Variants in ARHGAP35 observed in about 807,000 individuals in gnomAD.
ARHGAP35 encodes the protein Rho GTPase activating protein 35, also known as rho GTPase-activating protein 35.
A neutral mutation model predicts 111.1 loss-of-function variants in ARHGAP35; 15 were observed. That is an observed-to-expected ratio of 0.13 (90% CI 0.09 to 0.21). The LOEUF is 0.21. Among genes scored for constraint, ARHGAP35 ranks in the 10% least tolerant of loss-of-function variants. The pLI, the probability that ARHGAP35 is intolerant of heterozygous loss-of-function variation, is 1.00. For synonymous variants in ARHGAP35, 643 were observed against 710.3 expected (o/e 0.91, Z 1.51); for missense variants, 1,262 against 1,873.0 (o/e 0.67, Z 6.02).
At chr19:46,998,107 A>G (rs1025995312) in intron 5 of ARHGAP35, among the ~76,000 whole-genome samples, 1 of 152,006 alleles carries the variant, frequency 6.6e-6, no homozygotes, top group Admixed American at 6.6e-5. Flanking sequence ...GTCTCAAAAA[A>G]AAAAAGAAAA....
At chr19:46,998,116 AAAAG>A (rs2056724239) in intron 5 of ARHGAP35, among the ~76,000 whole-genome samples, 1 of 152,046 alleles carries the variant, frequency 6.6e-6, no homozygotes, top group Non-Finnish European at 1.5e-5. Flanking sequence ...AAAAAAAGAA[AAAAG>A]AAAGAAAAGA....
rs2056124380 is a variant in ARHGAP35 at position 46,908,931 on chromosome 19, A to G, written c.-188-9557A>G. ...GCATGGAGGTGGGGAGGACAAATCAAGAGGGGCAGGAGGGGACATTTGCAA... is the reference window on the plus strand; with the variant it reads ...GCATGGAGGTGGGGAGGACAAATCAGGAGGGGCAGGAGGGGACATTTGCAA... On this transcript the variant is annotated intron_variant, in intron 1 of 6. Coordinates refer to ENST00000672722, the MANE Select transcript of ARHGAP35 (RefSeq NM_004491.5). This position sits in a 1 kb window ranked among gnomAD's most constrained non-coding sequence, Gnocchi z 4.2. Among the ~76,000 whole-genome samples the G allele has an allele frequency of 6.6e-6, 1 of 152,180 alleles. No individual in the cohort carries two copies. The highest frequency in any genetic ancestry group is 1.5e-5 in the Non-Finnish European group (1 of 68,024).
At position 46,988,422 on chromosome 19, in the gene ARHGAP35, G is replaced by A; in HGVS notation, c.3904+356G>A. 3.9e-6 allele frequency: 1 copy of A among 256,442 alleles called. No homozygotes were observed. Among genetic ancestry groups the A allele is most frequent in the Non-Finnish European group, 7.8e-6 (1 of 128,286 alleles). The allele number at this position is 256,442 out of a possible 1,614,324, so 15.9% of individuals were successfully genotyped here. ...TGCAGGCACATGATATACAAGTCGG[G>A]TTGAGATGTGATCCTGTTTTGCCAG... On this transcript the variant is annotated intron_variant, in intron 4 of 6. Transcript: ENST00000672722. The surrounding 1 kb of genome is among the most constrained non-coding windows in gnomAD (Gnocchi z 5.4).
chr19:46,922,258 T>A lies in ARHGAP35; in HGVS notation c.3583T>A (p.Ser1195Thr). ...CCGGAAGAAAGAGGAGGATCAGGCA[T>A]CCCAGGGTTATAAAGGGGACAATGC... ...PIRKKEEDQA[S>T]QGYKGDNAVI... Residue 1195 changes from serine (S) to threonine (T), a missense_variant, in exon 2 of 7, where the codon TCC (serine) becomes ACC (threonine). Physicochemically the swap from Ser to Thr is moderately conservative, Grantham distance 58. Transcript: ENST00000672722. This position sits in a 1 kb window ranked among gnomAD's most constrained non-coding sequence, Gnocchi z 4.0. The A allele has an allele frequency of 6.2e-7, 1 of 1,613,924 alleles. No individual in the cohort carries two copies. The highest frequency in any genetic ancestry group is 8.5e-7 in the Non-Finnish European group (1 of 1,179,884).
chr19:46,919,704 C>G lies in ARHGAP35; in HGVS notation c.1029C>G (p.Ala343=), dbSNP rs967158436. The part of the protein sequence containing the change: ...IERRRKLYLA[A]LPLAFEALIP... ...GTAGGAGAAAGCTGTACCTGGCAGCCCTGCCATTAGCTTTTGAAGCTCTTA... is the reference window on the plus strand; with the variant it reads ...GTAGGAGAAAGCTGTACCTGGCAGCGCTGCCATTAGCTTTTGAAGCTCTTA... The change falls in exon 2 of 7, where the codon GCC becomes GCG. Residue 343 remains alanine (A), a synonymous_variant. Transcript: ENST00000672722. The surrounding 1 kb of genome is among the most constrained non-coding windows in gnomAD (Gnocchi z 6.2). 4 of 1,613,848 alleles carry G rather than the reference C, an allele frequency of 2.5e-6. No individual in the cohort carries two copies. The highest frequency in any genetic ancestry group is 3.4e-6 in the Non-Finnish European group (4 of 1,179,900).
rs1368757986 is a variant in ARHGAP35 at position 46,999,443 on chromosome 19, C to T, written c.4142+34C>T. Reference sequence around the variant, plus strand: ...CAGGGCCTTCTGGTTGGTTTTTCCTCCTGAAAATTGACAGCCAGGGTCAGT... The same window carrying T: ...CAGGGCCTTCTGGTTGGTTTTTCCTTCTGAAAATTGACAGCCAGGGTCAGT... On this transcript the variant is annotated intron_variant, in intron 6 of 6. Transcript: ENST00000672722. The surrounding 1 kb of genome is among the most constrained non-coding windows in gnomAD (Gnocchi z 5.4). 7.1e-7 allele frequency: 1 copy of T among 1,402,716 alleles called. No homozygotes were observed. The allele number at this position is 1,402,716 out of a possible 1,614,324, so 86.9% of individuals were successfully genotyped here. A position where few individuals can be genotyped will look rare whatever the true frequency, so the allele number is the denominator to read the frequency against.
chr19:46,894,443 TG>T (rs1325876252), intron 1 of ARHGAP35, among the ~76,000 whole-genome samples: 14 of 142,284 alleles, frequency 9.8e-5, no homozygotes, highest in East Asian at 2.0e-4. Flanking sequence ...TCCTGTTTTT[TG>T]GTTTTTTTTT....
At chr19:46,880,170 C>T (rs528939997) in intron 1 of ARHGAP35, among the ~76,000 whole-genome samples, 26 of 152,224 alleles carry the variant, frequency 1.7e-4, no homozygotes, top group African/African-American at 5.8e-4. Context: ...GTGTGGCTCA[C>T]GCCTGTAATC....
chr19:46,938,579 C>G (rs972739396), intron 3 of ARHGAP35, among the ~76,000 whole-genome samples: 1 of 151,914 alleles, frequency 6.6e-6, no homozygotes, highest in Non-Finnish European at 1.5e-5. Context: ...TCTTGAACTC[C>G]TGACCTCAGG....
chr19:46,959,877 C>G (rs749117813), intron 3 of ARHGAP35, among the ~76,000 whole-genome samples: 1 of 151,744 alleles, frequency 6.6e-6, no homozygotes, highest in Non-Finnish European at 1.5e-5. Flanking sequence ...GCTAGAGGAT[C>G]GCTTGAGCCT....
chr19:46,879,300 C>G (rs895431458), intron 1 of ARHGAP35, among the ~76,000 whole-genome samples: 1 of 151,912 alleles, frequency 6.6e-6, no homozygotes, highest in Non-Finnish European at 1.5e-5. Flanking sequence ...ACTAAAAATA[C>G]AAAAATGGCC....
At chr19:46,991,759 G>A (rs1186948047) in intron 5 of ARHGAP35, among the ~76,000 whole-genome samples, 2 of 152,234 alleles carry the variant, frequency 1.3e-5, no homozygotes, top group African/African-American at 4.8e-5. Context: ...ATACCAGGCA[G>A]TGCAAAAGTT....
chr19:46,976,903 G>A (rs1186653978), intron 3 of ARHGAP35, among the ~76,000 whole-genome samples: 6 of 152,210 alleles, frequency 3.9e-5, no homozygotes, highest in African/African-American at 1.4e-4. Context: ...GTGCTGCCTT[G>A]CTCATGAGGT....
intron 3 of ARHGAP35, among the ~76,000 whole-genome samples, chr19:46,985,374 G>A (rs1445906528): frequency 1.3e-5 from 2 of 152,230 alleles, no homozygotes; most frequent in Non-Finnish European, 2.9e-5. Context: ...CGGGGGTGCT[G>A]TGGTCTGTAC....
intron 3 of ARHGAP35, among the ~76,000 whole-genome samples, chr19:46,973,188 C>T (rs2056560650): frequency 6.6e-6 from 1 of 151,832 alleles, no homozygotes. Flanking sequence ...CATGGTGAAA[C>T]TCTGTCTCTT....
rs751691586 is a variant in ARHGAP35 at position 46,919,095 on chromosome 19, G to T, written c.420G>T (p.Gly140=). 1 of 1,614,036 alleles carries T rather than the reference G, an allele frequency of 6.2e-7. No individual in the cohort carries two copies. Among genetic ancestry groups the T allele is most frequent in the Non-Finnish European group, 8.5e-7 (1 of 1,179,896 alleles). The part of the protein sequence containing the change: ...KLMYFCTDQL[G]LEQDFEQKQM... Reference sequence around the variant, plus strand: ...TGTACTTTTGCACTGACCAGCTGGGGCTGGAGCAGGACTTTGAGCAGAAAC... The same window carrying T: ...TGTACTTTTGCACTGACCAGCTGGGTCTGGAGCAGGACTTTGAGCAGAAAC... The change falls in exon 2 of 7, where the codon GGG becomes GGT. Residue 140 remains glycine, a synonymous_variant. Coordinates refer to ENST00000672722, the MANE Select transcript of ARHGAP35 (RefSeq NM_004491.5). The surrounding 1 kb of genome is among the most constrained non-coding windows in gnomAD (Gnocchi z 6.2).
intron 1 of ARHGAP35, among the ~76,000 whole-genome samples, chr19:46,896,602 T>C (rs933134710): frequency 1.3e-5 from 2 of 152,202 alleles, no homozygotes; most frequent in Non-Finnish European, 2.9e-5. Context: ...GCTGTTTTTG[T>C]CCATTCTGGC....
chr19:46,883,497 A>T (rs2055976213), intron 1 of ARHGAP35, among the ~76,000 whole-genome samples: 1 of 152,208 alleles, frequency 6.6e-6, no homozygotes, highest in African/African-American at 2.4e-5. Context: ...TCGCCGTCTT[A>T]TATTGGTGCA....
intron 3 of ARHGAP35, among the ~76,000 whole-genome samples, chr19:46,983,995 T>C (rs1432991508): frequency 6.6e-6 from 1 of 152,186 alleles, no homozygotes; most frequent in African/African-American, 2.4e-5. Flanking sequence ...TGTTCAGATA[T>C]TTGAACATAG....
Sources: allele counts gnomAD v4.1 joint callset (sites outside exome capture counted in the v4.1 genomes callset), GRCh38; gene constraint gnomAD v4.1.1; non-coding constraint Gnocchi (gnomAD v3.1); transcripts MANE v1.5; gene names NCBI Gene and HGNC (gene_info 2026-07-23, HGNC 2026-07-21).